The following CSMD3 variants were observed in gnomAD, a reference collection of about 807,000 sequenced individuals.
CSMD3 encodes CUB and sushi domain-containing protein 3.
In CSMD3, 177 loss-of-function variants were observed where a neutral mutation model predicts 435.2. That is an observed-to-expected ratio of 0.41 (90% CI 0.36 to 0.46). CSMD3 has a LOEUF of 0.46. Ranked by LOEUF, CSMD3 falls within the 20% of genes least tolerant of loss-of-function variation. The pLI, the probability that CSMD3 is intolerant of heterozygous loss-of-function variation, is 0.34. For synonymous variants in CSMD3, 1,656 were observed against 1,520.5 expected, an observed-to-expected ratio of 1.09 and a Z score of -2.07; for missense variants, 4,265 against 4,504.6, an observed-to-expected ratio of 0.95 and a Z score of 1.52.
chr8:113,078,959 A>G (rs909015603), intron 5 of CSMD3, among the ~76,000 whole-genome samples: 5 of 152,160 alleles, frequency 3.3e-5, no homozygotes, highest in African/African-American at 1.2e-4. Context: ...AATTTATGAA[A>G]CATTCAAGAT....
chr8:112,369,805 A>G (rs1828147701), intron 38 of CSMD3, among the ~76,000 whole-genome samples: 1 of 151,942 alleles, frequency 6.6e-6, no homozygotes, highest in Non-Finnish European at 1.5e-5. Context: ...GGTGCAGCAA[A>G]CCACCATAGC....
At chr8:113,353,756 TC>T (rs1335185354) in intron 1 of CSMD3, among the ~76,000 whole-genome samples, 1 of 152,128 alleles carries the variant, frequency 6.6e-6, no homozygotes, top group Admixed American at 6.6e-5. Flanking sequence ...AGGACTTTTT[TC>T]CCCCCAAATC....
chr8:112,924,271 T>A (rs559048192), intron 9 of CSMD3, among the ~76,000 whole-genome samples: 37 of 152,210 alleles, frequency 2.4e-4, no homozygotes, highest in Non-Finnish European at 5.1e-4. Context: ...GTCACGGAAA[T>A]CCGAGTTTTC....
intron 32 of CSMD3, among the ~76,000 whole-genome samples, chr8:112,451,673 G>A (rs528291359): frequency 6.6e-6 from 1 of 151,920 alleles, no homozygotes; most frequent in East Asian, 1.9e-4. Flanking sequence ...CAAGTACCTG[G>A]GATTACACGC....
At chr8:113,184,115 T>C (rs7844158) in intron 3 of CSMD3, among the ~76,000 whole-genome samples, 7,011 of 152,044 alleles carry the variant, frequency 0.046, 545 homozygotes, top group African/African-American at 0.16. Context: ...TTCACTTGCT[T>C]ACGTTTACCA....
At chr8:113,405,637 G>A (rs1425295355) in intron 1 of CSMD3, among the ~76,000 whole-genome samples, 1 of 151,682 alleles carries the variant, frequency 6.6e-6, no homozygotes, top group Non-Finnish European at 1.5e-5. Context: ...TTTCAAGAGT[G>A]AAGTGAAATG....
At position 113,374,818 on chromosome 8, in the gene CSMD3, T is replaced by TAAAAAAAAAAA. The variant is rs1215451792; in HGVS notation, c.179-60036_179-60026dup. On this transcript the variant is annotated intron_variant, in intron 1 of 70. Coordinates refer to ENST00000297405, the MANE Select transcript of CSMD3 (RefSeq NM_198123.2). ...CCATATGCACCTTGTTGTTAAAAAG[T>TAAAAAAAAAAA]AAAAAAAAAAAAAAAAAAAAAAAAA... Among the ~76,000 whole-genome samples the TAAAAAAAAAAA allele has an allele frequency of 2.3e-3, 66 of 28,086 alleles. 1 individual carries two copies. Among genetic ancestry groups the TAAAAAAAAAAA allele is most frequent in the African/African-American group, 3.8e-3 (32 of 8,422 alleles). 18.4% of individuals were successfully genotyped at this position (28,086 alleles called of 152,430 possible). A position where few individuals can be genotyped will look rare whatever the true frequency, so the allele number is the denominator to read the frequency against.
chr8:112,799,368 T>C (rs2078907117), intron 13 of CSMD3, among the ~76,000 whole-genome samples: 1 of 151,984 alleles, frequency 6.6e-6, no homozygotes. Context: ...AATTATTTAA[T>C]TGGTAAGATA....
intron 12 of CSMD3, among the ~76,000 whole-genome samples, chr8:112,801,908 G>A (rs1203972368): frequency 2.0e-5 from 3 of 152,006 alleles, no homozygotes; most frequent in Non-Finnish European, 2.9e-5. Flanking sequence ...GAAAATTGAA[G>A]TATTGCTCTT....
intron 4 of CSMD3, among the ~76,000 whole-genome samples, chr8:113,159,821 C>T (rs896520346): frequency 1.3e-5 from 2 of 151,686 alleles, no homozygotes; most frequent in African/African-American, 4.8e-5. Flanking sequence ...ATAATTTGTC[C>T]TAATAGTTGA....
At chr8:112,317,510 A>G (rs909877812) in intron 47 of CSMD3, among the ~76,000 whole-genome samples, 2 of 151,898 alleles carry the variant, frequency 1.3e-5, no homozygotes, top group Admixed American at 6.6e-5. Flanking sequence ...CTCTATTTGC[A>G]TATCTAAATA....
Position 112,304,884 on chromosome 8 carries a change from G to T in CSMD3, c.8103C>A (p.Ile2701=). 6.2e-7 allele frequency: 1 copy of T among 1,613,772 alleles called. No homozygotes were observed. The highest frequency in any genetic ancestry group is 1.1e-5 in the South Asian group (1 of 91,072). The part of the protein sequence containing the change: ...VVTCPSINSF[I]LEHGRWRIVN... The stretch of plus-strand genomic sequence containing the variant: ...CAATTCGCCATCTTCCATGTTCCAA[G>T]ATAAAGGAATTGATGCTTGGACATG... The change falls in exon 52 of 71, where the codon ATC becomes ATA. Residue 2701 remains isoleucine (I), a synonymous_variant. Coordinates refer to ENST00000297405, the MANE Select transcript of CSMD3 (RefSeq NM_198123.2).
At chr8:112,621,690 C>T (rs1030522740) in intron 22 of CSMD3, among the ~76,000 whole-genome samples, 1 of 152,132 alleles carries the variant, frequency 6.6e-6, no homozygotes, top group East Asian at 1.9e-4. Flanking sequence ...TCATATTTTA[C>T]AGACTCCCTC....
intron 9 of CSMD3, among the ~76,000 whole-genome samples, chr8:112,927,198 G>A (rs758326411): frequency 1.4e-4 from 21 of 152,098 alleles, no homozygotes; most frequent in South Asian, 6.2e-4. Flanking sequence ...TACAATATGA[G>A]ATTTTCTGTT....
At chr8:113,221,155 A>G (rs1217523723) in intron 3 of CSMD3, among the ~76,000 whole-genome samples, 1 of 151,324 alleles carries the variant, frequency 6.6e-6, no homozygotes, top group Non-Finnish European at 1.5e-5. Context: ...GAAGGGCATT[A>G]TTGTGTCAAT....
chr8:113,354,626 T>C (rs2094209886), intron 1 of CSMD3, among the ~76,000 whole-genome samples: 1 of 152,102 alleles, frequency 6.6e-6, no homozygotes, highest in Non-Finnish European at 1.5e-5. Context: ...AATTTGTTAT[T>C]GTTGTTGTTT....
intron 3 of CSMD3, among the ~76,000 whole-genome samples, chr8:113,205,835 A>C (rs554009307): frequency 6.6e-6 from 1 of 152,310 alleles, no homozygotes; most frequent in South Asian, 2.1e-4. Flanking sequence ...ACTATTTTGC[A>C]TTAGAATTGC....
intron 13 of CSMD3, among the ~76,000 whole-genome samples, chr8:112,765,993 G>A (rs2077969453): frequency 6.6e-6 from 1 of 151,568 alleles, no homozygotes. Context: ...ATGCCTCAGA[G>A]CTAACCTTCC....
rs184025472 is a variant in CSMD3, at chr8:112,919,502, C to T, written c.1633+2125G>A. Among the ~76,000 whole-genome samples the T allele has an allele frequency of 1.8e-3, 278 of 151,862 alleles. 4 individuals carry two copies. The highest frequency in any genetic ancestry group is 3.2e-4 in the Non-Finnish European group (22 of 67,838). On this transcript the variant is annotated intron_variant, in intron 10 of 70. Transcript: ENST00000297405. ...CTTACTTTATGTAGATCTTAAATTC[C>T]ATGATCTGGCTATAACTTCTGGTGT...
Sources: gnomAD v4.1 joint callset for allele counts (sites outside exome capture counted in the v4.1 genomes callset) on GRCh38, gnomAD v4.1.1 for gene constraint, MANE v1.5 for transcripts, NCBI Gene and HGNC (gene_info 2026-07-23, HGNC 2026-07-21) for gene names.